The following CRACD variants were observed in gnomAD, a reference collection of about 807,000 sequenced individuals.
The protein encoded by CRACD is capping protein inhibiting regulator of actin dynamics.
Under a neutral mutation model 106.8 loss-of-function variants are expected in CRACD, and 56 were observed. That is an observed-to-expected ratio of 0.52 (90% confidence interval 0.42 to 0.66). The LOEUF (loss-of-function observed/expected upper bound fraction) is 0.66, where lower values mean the gene tolerates loss of function less well. Among genes scored for constraint, CRACD ranks in the 30% least tolerant of loss-of-function variants. CRACD has a pLI of 0.00. For synonymous variants in CRACD, 754 were observed against 670.8 expected (o/e 1.12, Z -1.92); for missense variants, 1,730 against 1,623.2 (o/e 1.07, Z -1.13).
At chr4:56,149,830 A>G (rs888550910) in intron 1 of CRACD, among the ~76,000 whole-genome samples, 20 of 152,310 alleles carry the variant, frequency 1.3e-4, no homozygotes, top group Admixed American at 1.2e-3. Flanking sequence ...TCTTGATGTC[A>G]AAGTCATGTA....
At chr4:56,168,632 T>A (rs2109913313) in intron 1 of CRACD, among the ~76,000 whole-genome samples, 1 of 150,204 alleles carries the variant, frequency 6.7e-6, no homozygotes, top group African/African-American at 2.4e-5. Context: ...TGTCCACTGA[T>A]GGATATATAT....
intron 1 of CRACD, among the ~76,000 whole-genome samples, chr4:56,137,097 A>G (rs531803752): frequency 2.6e-5 from 4 of 152,182 alleles, no homozygotes; most frequent in Non-Finnish European, 5.9e-5. Context: ...TTACACCAAC[A>G]CCTGTTACAA....
At chr4:56,059,275 A>AAAAC (rs56089137) in intron 1 of CRACD, among the ~76,000 whole-genome samples, 3,059 of 150,926 alleles carry the variant, frequency 0.02, 44 homozygotes, top group Non-Finnish European at 0.032. Flanking sequence ...CCACCTCTAC[A>AAAAC]AAACAAACAA....
At chr4:56,308,018 G>A (rs1744860723) in intron 5 of CRACD, among the ~76,000 whole-genome samples, 1 of 152,168 alleles carries the variant, frequency 6.6e-6, no homozygotes, top group Admixed American at 6.5e-5. Context: ...TTTGCTGTGT[G>A]TCTTTACCAT....
At chr4:56,091,237 A>T (rs1376564410) in intron 1 of CRACD, among the ~76,000 whole-genome samples, 1 of 151,908 alleles carries the variant, frequency 6.6e-6, no homozygotes, top group African/African-American at 2.4e-5. Context: ...TAGAGACGAG[A>T]TAGAGACACT....
chr4:56,136,636 A>G (rs568133610), intron 1 of CRACD, among the ~76,000 whole-genome samples: 70 of 152,182 alleles, frequency 4.6e-4, no homozygotes, highest in Non-Finnish European at 8.4e-4. Flanking sequence ...AGTTCTTTAC[A>G]TAATCTAGAT....
chr4:56,239,685 G>A (rs1254543222), intron 2 of CRACD, among the ~76,000 whole-genome samples: 1 of 152,072 alleles, frequency 6.6e-6, no homozygotes, highest in Non-Finnish European at 1.5e-5. Flanking sequence ...TCTAGAAATA[G>A]GATAGATATT....
At chr4:56,308,948 C>A (rs1744943676) in intron 5 of CRACD, 7 of 1,277,454 alleles carry the variant, frequency 5.5e-6, no homozygotes, top group East Asian at 1.1e-4. Flanking sequence ...ATGGGTATTA[C>A]AGAGGTGAGC....
At chr4:56,305,723 G>C (rs1427057228) in intron 4 of CRACD, among the ~76,000 whole-genome samples, 1 of 152,194 alleles carries the variant, frequency 6.6e-6, no homozygotes, top group Non-Finnish European at 1.5e-5. Context: ...CTGTGCTCCT[G>C]ACTTGGCATG....
At chr4:56,124,784 G>A (rs149104098) in intron 1 of CRACD, among the ~76,000 whole-genome samples, 1 of 152,006 alleles carries the variant, frequency 6.6e-6, no homozygotes, top group African/African-American at 2.4e-5. Context: ...CCTACTTTTG[G>A]TAGAGGAAGA....
At chr4:56,261,801 CAA>C (rs981239479) in intron 2 of CRACD, among the ~76,000 whole-genome samples, 1 of 152,000 alleles carries the variant, frequency 6.6e-6, no homozygotes, top group African/African-American at 2.4e-5. Context: ...AAGAAACAGC[CAA>C]AGAGTTGTGA....
At chr4:56,145,652 C>G (rs1281281437) in intron 1 of CRACD, among the ~76,000 whole-genome samples, 2 of 151,956 alleles carry the variant, frequency 1.3e-5, no homozygotes, top group African/African-American at 4.8e-5. Flanking sequence ...TACTTTGTCA[C>G]CCAGGCTGGA....
intron 1 of CRACD, among the ~76,000 whole-genome samples, chr4:56,082,279 G>T (rs1441933798): frequency 6.6e-6 from 1 of 152,210 alleles, no homozygotes; most frequent in Non-Finnish European, 1.5e-5. Context: ...GCAGGAAGGA[G>T]CTTGACATGT....
intron 8 of CRACD, chr4:56,320,628 T>C (rs1197585705): frequency 6.6e-6 from 1 of 152,198 alleles, no homozygotes; most frequent in Non-Finnish European, 1.5e-5. Flanking sequence ...ATCTGAAAAG[T>C]TGAGTGACTT....
chr4:56,085,267 C>G (rs1733174373), intron 1 of CRACD, among the ~76,000 whole-genome samples: 2 of 152,144 alleles, frequency 1.3e-5, no homozygotes, highest in African/African-American at 2.4e-5. Flanking sequence ...ACATTACTCT[C>G]CCGGGAGTCC....
At chr4:56,244,696 A>G (rs1380639934) in intron 2 of CRACD, among the ~76,000 whole-genome samples, 2 of 152,162 alleles carry the variant, frequency 1.3e-5, no homozygotes, top group African/African-American at 4.8e-5. Flanking sequence ...ATACCACCCT[A>G]CAGTCCATGA....
chr4:56,294,875 C>A (rs546128502), intron 3 of CRACD, among the ~76,000 whole-genome samples: 2 of 141,908 alleles, frequency 1.4e-5, no homozygotes, highest in Non-Finnish European at 3.0e-5. Flanking sequence ...GATCATGCCA[C>A]TGCACTCCAG....
intron 2 of CRACD, among the ~76,000 whole-genome samples, chr4:56,233,173 T>C (rs979655606): frequency 2.0e-5 from 3 of 152,218 alleles, no homozygotes; most frequent in Non-Finnish European, 2.9e-5. Flanking sequence ...TATTTTGGAC[T>C]CAAATGCTGT....
intron 1 of CRACD, among the ~76,000 whole-genome samples, chr4:56,134,030 A>G (rs1734912652): frequency 2.6e-5 from 4 of 152,012 alleles, no homozygotes; most frequent in Admixed American, 2.6e-4. Flanking sequence ...GCAAAACCCC[A>G]TCTTCACAAA....
Sources: gnomAD v4.1 joint callset for allele counts (sites outside exome capture counted in the v4.1 genomes callset) on GRCh38, gnomAD v4.1.1 for gene constraint, MANE v1.5 for transcripts, NCBI Gene and HGNC (gene_info 2026-07-23, HGNC 2026-07-21) for gene names.